Variants in NAALADL2 observed in about 807,000 individuals in gnomAD.
The protein encoded by NAALADL2 is N-acetylated alpha-linked acidic dipeptidase like 2, also known as inactive N-acetylated-alpha-linked acidic dipeptidase-like protein 2.
A neutral mutation model predicts 87.2 loss-of-function variants in NAALADL2; 76 were observed. The ratio of observed to expected loss-of-function variants is 0.87; its 90% CI spans 0.72 to 1.05. NAALADL2 has a LOEUF of 1.05. NAALADL2 is among the 50% of genes least tolerant of loss of function. The pLI, the probability that NAALADL2 is intolerant of heterozygous loss-of-function variation, is 0.00. For missense variants in NAALADL2, 1,089 were observed against 945.8 expected, an observed-to-expected ratio of 1.15 and a Z score of -1.99; for synonymous variants, 354 against 331.0, an observed-to-expected ratio of 1.07 and a Z score of -0.75.
intron 1 of NAALADL2, among the ~76,000 whole-genome samples, chr3:174,935,936 T>C (rs1188162557): frequency 6.6e-6 from 1 of 152,182 alleles, no homozygotes; most frequent in African/African-American, 2.4e-5. Flanking sequence ...ATTGCTGCTA[T>C]GCATTTGCTA....
chr3:175,474,969 T>A (rs145567703), intron 9 of NAALADL2, among the ~76,000 whole-genome samples: 24 of 151,958 alleles, frequency 1.6e-4, no homozygotes, highest in Non-Finnish European at 3.2e-4. Context: ...AGTATTCATA[T>A]TGAAGGAGCA....
intron 5 of NAALADL2, among the ~76,000 whole-genome samples, chr3:175,360,822 GTGTA>G (rs201052456): frequency 0.31 from 39,609 of 127,978 alleles, 5,621 homozygotes; most frequent in East Asian, 0.48. Flanking sequence ...GTGTGTGTGT[GTGTA>G]TGTGTGTGTG....
rs185330054 is a variant in NAALADL2, at chr3:174,760,088, A to G, written c.-9+22342A>G. Among the ~76,000 whole-genome samples, 226 of 152,298 alleles carry G rather than the reference A, an allele frequency of 1.5e-3. 1 individual carries two copies. The highest frequency in any genetic ancestry group is 5.2e-3 in the African/African-American group (218 of 41,566). ...ATCTTTCCAGTCTCCTGTAAAGTAG[A>G]TAGAGCAGGCAGTAATTTTCTTCCC... is the stretch of plus-strand genomic sequence containing the variant. On this transcript the variant is annotated intron_variant, in intron 3 of 3. Transcript: ENST00000434257.
chr3:175,665,931 C>CA (rs1732914122), intron 11 of NAALADL2, among the ~76,000 whole-genome samples: 1 of 151,562 alleles, frequency 6.6e-6, no homozygotes, highest in African/African-American at 2.4e-5. Context: ...CTCTGTCCCC[C>CA]CCCCAAAAAA....
chr3:175,752,936 A>G (rs1003912657), intron 12 of NAALADL2, among the ~76,000 whole-genome samples: 2 of 152,146 alleles, frequency 1.3e-5, no homozygotes, highest in Non-Finnish European at 2.9e-5. Context: ...CCTTGTGCAG[A>G]GATATTCCCT....
chr3:174,934,455 G>A (rs1372105592), intron 1 of NAALADL2, among the ~76,000 whole-genome samples: 1 of 151,986 alleles, frequency 6.6e-6, no homozygotes, highest in African/African-American at 2.4e-5. Flanking sequence ...TAACAACACA[G>A]CTTTAGATAT....
intron 11 of NAALADL2, among the ~76,000 whole-genome samples, chr3:175,629,503 G>A (rs1372791088): frequency 2.6e-5 from 4 of 151,404 alleles, no homozygotes; most frequent in Non-Finnish European, 4.4e-5. Flanking sequence ...CAATGAAATA[G>A]TAATATTTTC....
intron 2 of NAALADL2, among the ~76,000 whole-genome samples, chr3:174,611,785 C>T (rs907764615): frequency 2.2e-4 from 33 of 151,508 alleles, no homozygotes; most frequent in Admixed American, 5.9e-4. Context: ...TTAGTAGAGA[C>T]GGGGTTTCAC....
intron 2 of NAALADL2, among the ~76,000 whole-genome samples, chr3:174,712,074 A>G (rs1730689591): frequency 6.6e-6 from 1 of 152,072 alleles, no homozygotes; most frequent in Non-Finnish European, 1.5e-5. Flanking sequence ...GGAGTGGGCC[A>G]CCGCGCCCTG....
chr3:174,897,432 T>C (rs1731689638), intron 1 of NAALADL2, among the ~76,000 whole-genome samples: 1 of 150,670 alleles, frequency 6.6e-6, no homozygotes, highest in African/African-American at 2.4e-5. Context: ...GCTAACATCA[T>C]TGATCATTAG....
At chr3:175,788,792 A>C (rs182095750) in intron 13 of NAALADL2, among the ~76,000 whole-genome samples, 1 of 152,358 alleles carries the variant, frequency 6.6e-6, no homozygotes, top group African/African-American at 2.4e-5. Flanking sequence ...AAATAATTAT[A>C]TGAAGGCAAA....
intron 1 of NAALADL2, among the ~76,000 whole-genome samples, chr3:174,471,972 CTAAA>C (rs1452334995): frequency 6.6e-6 from 1 of 152,052 alleles, no homozygotes; most frequent in Non-Finnish European, 1.5e-5. Flanking sequence ...CACAAATCAT[CTAAA>C]TAATAATTTT....
At chr3:175,450,432 G>A (rs1721393467) in intron 6 of NAALADL2, among the ~76,000 whole-genome samples, 1 of 152,146 alleles carries the variant, frequency 6.6e-6, no homozygotes. Context: ...GGCACATTAA[G>A]AATATGTGTG....
At chr3:175,098,376 G>A (rs1435004873) in intron 2 of NAALADL2, among the ~76,000 whole-genome samples, 1 of 152,130 alleles carries the variant, frequency 6.6e-6, no homozygotes, top group Non-Finnish European at 1.5e-5. Context: ...TTCCATCAGT[G>A]ATCAGGAACT....
intron 13 of NAALADL2, among the ~76,000 whole-genome samples, chr3:175,791,158 G>C (rs908660016): frequency 1.3e-5 from 2 of 152,084 alleles, no homozygotes; most frequent in African/African-American, 4.8e-5. Flanking sequence ...TTAATATGAG[G>C]GGAAAAATGT....
chr3:175,602,640 C>A (rs1018321553), intron 10 of NAALADL2, among the ~76,000 whole-genome samples: 2 of 152,148 alleles, frequency 1.3e-5, no homozygotes, highest in Admixed American at 6.5e-5. Flanking sequence ...TTTAAAGCAC[C>A]AGTAGATATT....
intron 1 of NAALADL2, among the ~76,000 whole-genome samples, chr3:175,046,427 T>C (rs904935489): frequency 2.6e-5 from 4 of 152,170 alleles, no homozygotes; most frequent in Admixed American, 6.6e-5. Flanking sequence ...TTCATAAATC[T>C]ATTGTTGTCC....
chr3:174,755,623 C>A (rs968133893), intron 3 of NAALADL2, among the ~76,000 whole-genome samples: 10 of 152,180 alleles, frequency 6.6e-5, no homozygotes, highest in Admixed American at 6.5e-4. Flanking sequence ...GCAAGCCACA[C>A]TGTAGTTTCT....
At chr3:175,587,546 T>G (rs765887721) in intron 10 of NAALADL2, among the ~76,000 whole-genome samples, 3 of 152,174 alleles carry the variant, frequency 2.0e-5, no homozygotes, top group Non-Finnish European at 2.9e-5. Flanking sequence ...TTAAATGTCA[T>G]GAATCAAATT....
Sources: allele counts gnomAD v4.1 joint callset (sites outside exome capture counted in the v4.1 genomes callset), GRCh38; gene constraint gnomAD v4.1.1; transcripts MANE v1.5; gene names NCBI Gene and HGNC (gene_info 2026-07-23, HGNC 2026-07-21).